Variants in AGTPBP1 observed in about 807,000 individuals in gnomAD.
AGTPBP1 encodes the protein cytosolic carboxypeptidase 1.
AGTPBP1 carries 70 observed loss-of-function variants against 143.9 expected under a neutral mutation model. The observed-to-expected ratio is 0.49, with a 90% CI of 0.40 to 0.59. The LOEUF (loss-of-function observed/expected upper bound fraction) is 0.59. Ranked by LOEUF, AGTPBP1 falls within the 20% of genes least tolerant of loss-of-function variation. The probability of loss-of-function intolerance (pLI) is 0.00; values close to 1 mark genes in which losing one functional copy is unlikely to be tolerated. For missense variants in AGTPBP1, 1,229 were observed against 1,464.5 expected, an observed-to-expected ratio of 0.84 and a Z score of 2.62; for synonymous variants, 463 against 500.2, an observed-to-expected ratio of 0.93 and a Z score of 0.99.
At chr9:85,639,503 C>T (rs1369019325) in intron 13 of AGTPBP1, among the ~76,000 whole-genome samples, 1 of 152,044 alleles carries the variant, frequency 6.6e-6, no homozygotes, top group East Asian at 1.9e-4. Flanking sequence ...AGACACAGCA[C>T]TTTAAACATT....
At chr9:85,571,001 T>C (rs185021689) in intron 25 of AGTPBP1, among the ~76,000 whole-genome samples, 1 of 152,234 alleles carries the variant, frequency 6.6e-6, no homozygotes, top group Non-Finnish European at 1.5e-5. Flanking sequence ...AAACTAGACT[T>C]AACCCTTAGG....
intron 25 of AGTPBP1, among the ~76,000 whole-genome samples, chr9:85,551,057 T>C (rs757504577): frequency 1.3e-5 from 2 of 151,510 alleles, no homozygotes; most frequent in African/African-American, 2.4e-5. Context: ...AGTGTGGCAC[T>C]TCCCCCTCTC....
chr9:85,741,924 T>C lies in AGTPBP1; in HGVS notation c.-183A>G. On this transcript the variant is annotated 5_prime_UTR_variant, in exon 1 of 26. Coordinates refer to ENST00000357081, the MANE Select transcript of AGTPBP1 (RefSeq NM_001330701.2). The stretch of plus-strand genomic sequence containing the variant: ...AGGCGGAGGCGGCGGCGGCGGCAGC[T>C]GCGGCGGCGGCGCTGGAGGCGGCGG... The C allele has an allele frequency of 7.6e-7, 1 of 1,311,448 alleles. No individual in the cohort carries two copies. Among genetic ancestry groups the C allele is most frequent in the Non-Finnish European group, 9.7e-7 (1 of 1,033,084 alleles). 81.2% of individuals were successfully genotyped at this position (1,311,448 alleles called of 1,614,324 possible).
At chr9:85,799,388 T>A in the AGTPBP1 span, among the ~76,000 whole-genome samples, 1 of 152,288 alleles carries the variant, frequency 6.6e-6, no homozygotes, top group African/African-American at 2.4e-5. Context: ...TAGTTCTAGA[T>A]CCTTGAGGAA....
At chr9:85,719,567 C>T (rs879584324) in intron 1 of AGTPBP1, among the ~76,000 whole-genome samples, 1 of 152,164 alleles carries the variant, frequency 6.6e-6, no homozygotes, top group African/African-American at 2.4e-5. Context: ...GGGGCTCAGA[C>T]AATGGGGTTT....
At chr9:85,749,002 T>G in the AGTPBP1 span, among the ~76,000 whole-genome samples, 1 of 146,500 alleles carries the variant, frequency 6.8e-6, no homozygotes, top group Non-Finnish European at 1.5e-5. Flanking sequence ...GTGCACTTTT[T>G]TTTTTTTTTT....
chr9:85,753,299 T>G, the AGTPBP1 span: 5 of 1,613,692 alleles, frequency 3.1e-6, no homozygotes, highest in Non-Finnish European at 4.2e-6. Flanking sequence ...AATTTCTTTT[T>G]CTATAGGAAC....
intron 17 of AGTPBP1, among the ~76,000 whole-genome samples, chr9:85,600,939 G>T (rs920394272): frequency 7.9e-5 from 12 of 152,106 alleles, no homozygotes; most frequent in African/African-American, 2.4e-4. Flanking sequence ...TCATGCATTT[G>T]CACGTGCCCA....
At chr9:85,565,049 T>C (rs1826994955) in intron 25 of AGTPBP1, among the ~76,000 whole-genome samples, 1 of 152,200 alleles carries the variant, frequency 6.6e-6, no homozygotes, top group Admixed American at 6.5e-5. Flanking sequence ...TGCCTTGCTC[T>C]TGGACTTCAC....
At chr9:85,753,461 C>A in the AGTPBP1 span, 55 of 1,609,950 alleles carry the variant, frequency 3.4e-5, no homozygotes, top group East Asian at 1.1e-3. Flanking sequence ...TCTCTTCAAT[C>A]TGATGGTTGT....
intron 11 of AGTPBP1, among the ~76,000 whole-genome samples, chr9:85,649,384 A>G (rs535734665): frequency 6.6e-6 from 1 of 152,302 alleles, no homozygotes; most frequent in East Asian, 1.9e-4. Flanking sequence ...GTTGATACAC[A>G]TATACACACG....
intron 3 of AGTPBP1, among the ~76,000 whole-genome samples, chr9:85,690,026 T>C (rs775619839): frequency 5.3e-5 from 8 of 150,410 alleles, no homozygotes; most frequent in Non-Finnish European, 1.2e-4. Context: ...CCAGATTATT[T>C]TCCCCAAGTT....
chr9:85,549,357 T>C (rs1825906921), intron 25 of AGTPBP1, among the ~76,000 whole-genome samples: 1 of 152,102 alleles, frequency 6.6e-6, no homozygotes, highest in African/African-American at 2.4e-5. Context: ...AAAATCCATG[T>C]GTTGGGTAGC....
rs117845544 is a variant in AGTPBP1, at chr9:85,695,631, C to G, written c.33-2818G>C. Among the ~76,000 whole-genome samples, 1,043 of 152,272 alleles carry G rather than the reference C, an allele frequency of 6.8e-3. 9 individuals carry two copies. The highest frequency in any genetic ancestry group is 0.017 in the South Asian group (82 of 4,834). ...AATGCCAGTTTTACCCATGAGTGTA[C>G]ATCATCTTAATATTCTGTGTGCATA... On this transcript the variant is annotated intron_variant, in intron 2 of 25. Transcript: ENST00000357081.
At chr9:85,736,872 G>A (rs1012530752) in intron 1 of AGTPBP1, among the ~76,000 whole-genome samples, 9 of 152,126 alleles carry the variant, frequency 5.9e-5, no homozygotes, top group African/African-American at 1.4e-4. Flanking sequence ...TTTGGGAGGC[G>A]GACACAGGCG....
chr9:85,699,871 C>T (rs960606894), intron 2 of AGTPBP1, among the ~76,000 whole-genome samples: 2 of 152,174 alleles, frequency 1.3e-5, no homozygotes, highest in African/African-American at 4.8e-5. Flanking sequence ...TTAAAGTACT[C>T]AATCATTAAA....
chr9:85,617,319 G>T (rs1194876276), intron 17 of AGTPBP1, among the ~76,000 whole-genome samples: 1 of 152,062 alleles, frequency 6.6e-6, no homozygotes, highest in African/African-American at 2.4e-5. Context: ...TGGAGATTTT[G>T]TAACTTGTCA....
intron 18 of AGTPBP1, among the ~76,000 whole-genome samples, chr9:85,595,072 A>G (rs1829209631): frequency 6.6e-6 from 1 of 152,252 alleles, no homozygotes; most frequent in African/African-American, 2.4e-5. Flanking sequence ...GATGAATTAC[A>G]TATTACCTTT....
chr9:85,760,548 G>C, the AGTPBP1 span, among the ~76,000 whole-genome samples: 2 of 152,080 alleles, frequency 1.3e-5, no homozygotes, highest in African/African-American at 4.8e-5. Context: ...ATGCAGAAAA[G>C]GCCTTTGACA....
Sources: allele counts gnomAD v4.1 joint callset (sites outside exome capture counted in the v4.1 genomes callset), GRCh38; gene constraint gnomAD v4.1.1; transcripts MANE v1.5; gene names NCBI Gene and HGNC (gene_info 2026-07-23, HGNC 2026-07-21).